Variants in TBC1D5 observed in about 807,000 individuals in gnomAD.
TBC1D5 encodes the protein TBC1 domain family, member 5.
TBC1D5 carries 75 observed loss-of-function variants against 100.3 expected under a neutral mutation model. That is an observed-to-expected ratio of 0.75 (90% CI 0.62 to 0.91). TBC1D5 has a LOEUF of 0.91. TBC1D5 is among the 40% of genes least tolerant of loss of function. TBC1D5 has a pLI of 0.00. For synonymous variants in TBC1D5, 323 were observed against 325.6 expected (o/e 0.99, Z 0.09); for missense variants, 910 against 942.4 (o/e 0.97, Z 0.45).
At chr3:17,345,428 T>C (rs2089715455) in intron 13 of TBC1D5, among the ~76,000 whole-genome samples, 2 of 152,122 alleles carry the variant, frequency 1.3e-5, no homozygotes, top group South Asian at 2.1e-4. Context: ...CAACAGGTGC[T>C]GGAGAGTATG....
intron 1 of TBC1D5, among the ~76,000 whole-genome samples, chr3:17,725,199 T>C (rs1233800859): frequency 6.6e-6 from 1 of 152,142 alleles, no homozygotes; most frequent in Non-Finnish European, 1.5e-5. Flanking sequence ...GGAAAATTAT[T>C]TGTGACAATT....
intron 13 of TBC1D5, among the ~76,000 whole-genome samples, chr3:17,339,165 C>T (rs900586207): frequency 6.6e-6 from 1 of 152,206 alleles, no homozygotes; most frequent in Non-Finnish European, 1.5e-5. Flanking sequence ...AATGCCTATG[C>T]TGTTTCTAAT....
Position 17,470,015 on chromosome 3 carries a change from C to G in TBC1D5, c.97+38459G>C, listed in dbSNP as rs570929431. 3.9e-5 allele frequency among the ~76,000 whole-genome samples: 6 copies of G among 152,318 alleles called. No individual in the cohort carries two copies. The South Asian group carries it at 1.2e-3, about 32-fold the overall frequency. ...TTCTAAGATGTGGCTATAAAATAAG[C>G]TGTGTCACTCAGTCACTTATTTCCC... On this transcript the variant is annotated intron_variant, in intron 3 of 21. Coordinates refer to ENST00000253692, the Ensembl canonical transcript of TBC1D5.
At position 17,185,180 on chromosome 3, in the gene TBC1D5, A is replaced by G; in HGVS notation, c.1781T>C (p.Phe594Ser). The G allele has an allele frequency of 1.9e-6, 3 of 1,613,560 alleles. No individual in the cohort carries two copies. The highest frequency in any genetic ancestry group is 2.5e-6 in the Non-Finnish European group (3 of 1,179,626). The change falls in exon 19 of 22, where the codon TTC becomes TCC. Residue 594 changes from phenylalanine to serine, a missense_variant. By Grantham distance (155) the Phe-to-Ser change is radical (BLOSUM62 -2). Coordinates refer to ENST00000253692, the Ensembl canonical transcript of TBC1D5. ...CAGGTCATTCAACTGCCCTTGAAGG[A>G]AGGAAATTTGGGCTTCTAATTCTTC...
chr3:17,631,823 C>A (rs769130081), intron 1 of TBC1D5, among the ~76,000 whole-genome samples: 1 of 152,176 alleles, frequency 6.6e-6, no homozygotes, highest in African/African-American at 2.4e-5. Flanking sequence ...AAAAAAAGAT[C>A]CCTTTCAAAA....
intron 2 of TBC1D5, among the ~76,000 whole-genome samples, chr3:17,577,654 T>G (rs1408514138): frequency 6.6e-6 from 1 of 151,952 alleles, no homozygotes; most frequent in African/African-American, 2.4e-5. Context: ...AAAAGGTTAT[T>G]ATATTCACTA....
At chr3:17,570,176 T>C (rs1478842659) in intron 2 of TBC1D5, among the ~76,000 whole-genome samples, 1 of 151,992 alleles carries the variant, frequency 6.6e-6, no homozygotes, top group Non-Finnish European at 1.5e-5. Context: ...TCCAGTAAGT[T>C]AACTGGCCCA....
chr3:17,477,217 C>A (rs1046577184), intron 3 of TBC1D5, among the ~76,000 whole-genome samples: 1 of 151,906 alleles, frequency 6.6e-6, no homozygotes, highest in Admixed American at 6.6e-5. Flanking sequence ...TAAGTACTAA[C>A]CTTGCATTCC....
intron 12 of TBC1D5, among the ~76,000 whole-genome samples, chr3:17,374,209 G>GT (rs2092603311): frequency 6.6e-6 from 1 of 151,894 alleles, no homozygotes; most frequent in Admixed American, 6.6e-5. Context: ...TAATAATTTT[G>GT]TAACGAAGCA....
chr3:17,215,542 G>A (rs1311797973), intron 17 of TBC1D5, among the ~76,000 whole-genome samples: 1 of 152,156 alleles, frequency 6.6e-6, no homozygotes, highest in African/African-American at 2.4e-5. Flanking sequence ...TATCCAAATA[G>A]AGATGCCACA....
chr3:17,546,165 A>G (rs1405378768), intron 2 of TBC1D5, among the ~76,000 whole-genome samples: 5 of 152,178 alleles, frequency 3.3e-5, no homozygotes, highest in African/African-American at 1.2e-4. Flanking sequence ...TCAAATTTTA[A>G]AGCAGTGAGG....
At chr3:17,701,897 T>C (rs180883999) in intron 1 of TBC1D5, among the ~76,000 whole-genome samples, 1 of 151,484 alleles carries the variant, frequency 6.6e-6, no homozygotes, top group African/African-American at 2.4e-5. Context: ...GTACTATAAA[T>C]AAACAAAATA....
At chr3:17,696,344 G>C (rs1367925650) in intron 1 of TBC1D5, among the ~76,000 whole-genome samples, 1 of 152,106 alleles carries the variant, frequency 6.6e-6, no homozygotes, top group Non-Finnish European at 1.5e-5. Flanking sequence ...AAAACTGATA[G>C]ACTGCTAGCA....
intron 3 of TBC1D5, 147 bp downstream of exon 3, chr3:17,508,327 T>C (rs2095865109): frequency 3.4e-6 from 2 of 596,220 alleles, no homozygotes; most frequent in African/African-American, 3.7e-5. Flanking sequence ...GAGTGCTCTG[T>C]ACATATCCAG....
intron 1 of TBC1D5, among the ~76,000 whole-genome samples, chr3:17,710,093 ACAATGATCAAAG>A (rs2074568812): frequency 6.6e-6 from 1 of 152,224 alleles, no homozygotes; most frequent in African/African-American, 2.4e-5. Context: ...ACAACTATAT[ACAATGATCAAAG>A]CAGTGTTTTA....
chr3:17,484,946 T>A (rs1196928172), intron 3 of TBC1D5, among the ~76,000 whole-genome samples: 1 of 152,112 alleles, frequency 6.6e-6, no homozygotes, highest in Non-Finnish European at 1.5e-5. Context: ...AAGAGAATAA[T>A]ATATTCAATG....
chr3:17,626,118 C>A (rs761514021), intron 1 of TBC1D5, among the ~76,000 whole-genome samples: 1 of 151,802 alleles, frequency 6.6e-6, no homozygotes, highest in African/African-American at 2.4e-5. Flanking sequence ...AATAATTTAC[C>A]CTAATCAAAA....
intron 2 of TBC1D5, among the ~76,000 whole-genome samples, chr3:17,529,176 C>T (rs1425665367): frequency 6.6e-6 from 1 of 151,044 alleles, no homozygotes; most frequent in African/African-American, 2.5e-5. Flanking sequence ...AGAGAATCTA[C>T]AAGCCCCTGT....
At chr3:17,605,199 G>C (rs1488230929) in intron 2 of TBC1D5, among the ~76,000 whole-genome samples, 1 of 152,146 alleles carries the variant, frequency 6.6e-6, no homozygotes, top group Admixed American at 6.5e-5. Flanking sequence ...TTGCATGAAT[G>C]AGTGACTCAT....
Sources: gnomAD v4.1 joint callset for allele counts (sites outside exome capture counted in the v4.1 genomes callset) on GRCh38, gnomAD v4.1.1 for gene constraint, MANE v1.5 for transcripts, NCBI Gene and HGNC (gene_info 2026-07-23, HGNC 2026-07-21) for gene names.